ISM1: variants seen among roughly 807,000 people sequenced by gnomAD.
ISM1 encodes the protein isthmin-1.
In ISM1, 25 loss-of-function variants were observed where a neutral mutation model predicts 46.3. The observed-to-expected ratio is 0.54, with a 90% CI of 0.39 to 0.75. ISM1 has a LOEUF of 0.75. Ranked by LOEUF, ISM1 falls within the 30% of genes least tolerant of loss-of-function variation. The pLI is 0.00. For synonymous variants in ISM1, 255 were observed against 256.7 expected (o/e 0.99, Z 0.06); for missense variants, 536 against 625.4 (o/e 0.86, Z 1.52).
intron 5 of ISM1, among the ~76,000 whole-genome samples, chr20:13,294,481 C>A (rs901503241): frequency 1.3e-5 from 2 of 152,208 alleles, no homozygotes; most frequent in Non-Finnish European, 2.9e-5. Flanking sequence ...ATATCACACC[C>A]CACAGGCAGG....
chr20:13,247,216 A>T (rs2039805373), intron 1 of ISM1, among the ~76,000 whole-genome samples: 1 of 152,100 alleles, frequency 6.6e-6, no homozygotes, highest in Non-Finnish European at 1.5e-5. Context: ...GGGCAAAAAA[A>T]TGTGAATCTC....
At chr20:13,295,112 G>A (rs2040394262) in intron 5 of ISM1, among the ~76,000 whole-genome samples, 1 of 152,118 alleles carries the variant, frequency 6.6e-6, no homozygotes, top group Non-Finnish European at 1.5e-5. Context: ...CCAGGCTCCT[G>A]GGTCAGAGCT....
At chr20:13,231,863 C>T (rs1054153895) in intron 1 of ISM1, among the ~76,000 whole-genome samples, 2 of 152,146 alleles carry the variant, frequency 1.3e-5, no homozygotes, top group African/African-American at 4.8e-5. Context: ...GAGCAGTGAC[C>T]TGGAAAAGGT....
intron 1 of ISM1, among the ~76,000 whole-genome samples, chr20:13,261,435 A>G (rs1234535650): frequency 6.6e-6 from 1 of 152,108 alleles, no homozygotes; most frequent in African/African-American, 2.4e-5. Flanking sequence ...CAAAAAAAAA[A>G]AAAAGAAAAA....
At position 13,299,862 on chromosome 20, in the gene ISM1, A is replaced by C; in HGVS notation, c.*403A>C. ...TTTATATATAACTTATTTAATACAAATGTGACTTAATTAAGCGTAACCTTT... is the reference window on the plus strand; with the variant it reads ...TTTATATATAACTTATTTAATACAACTGTGACTTAATTAAGCGTAACCTTT... On this transcript the variant is annotated 3_prime_UTR_variant, in exon 6 of 6. Coordinates refer to ENST00000262487, the MANE Select transcript of ISM1 (RefSeq NM_080826.2). The surrounding 1 kb of genome is among the most constrained non-coding windows in gnomAD (Gnocchi z 5.8). 1 of 162,726 alleles carries C rather than the reference A, an allele frequency of 6.1e-6. No individual in the cohort carries two copies. 10.1% of individuals were successfully genotyped at this position (162,726 alleles called of 1,614,324 possible).
intron 1 of ISM1, among the ~76,000 whole-genome samples, chr20:13,268,410 T>C (rs2040073495): frequency 7.9e-6 from 1 of 127,328 alleles, no homozygotes. Context: ...CTCTCCATGC[T>C]AGGTTCAAAC....
chr20:13,266,981 C>T (rs1275884954), intron 1 of ISM1, among the ~76,000 whole-genome samples: 2 of 152,166 alleles, frequency 1.3e-5, no homozygotes, highest in East Asian at 3.8e-4. Context: ...AGGTTTTCTT[C>T]TGCATTACTA....
chr20:13,275,398 A>G (rs1016277451), intron 2 of ISM1, among the ~76,000 whole-genome samples: 2 of 152,182 alleles, frequency 1.3e-5, no homozygotes, highest in African/African-American at 4.8e-5. Flanking sequence ...CTGGATAAGA[A>G]TCAAGAAATT....
intron 2 of ISM1, among the ~76,000 whole-genome samples, chr20:13,275,105 T>C (rs2040162759): frequency 1.3e-5 from 2 of 152,228 alleles, no homozygotes; most frequent in South Asian, 4.1e-4. Flanking sequence ...ATTACTACAC[T>C]AGCTATTCAC....
intron 1 of ISM1, among the ~76,000 whole-genome samples, chr20:13,259,419 T>C (rs2039964243): frequency 6.6e-6 from 1 of 152,194 alleles, no homozygotes; most frequent in Non-Finnish European, 1.5e-5. Flanking sequence ...CCCTCTGTAA[T>C]CTAAATTTGA....
chr20:13,289,659 AAGG>A (rs1198862468), intron 4 of ISM1, among the ~76,000 whole-genome samples: 8 of 146,350 alleles, frequency 5.5e-5, no homozygotes, highest in Admixed American at 3.4e-4. Context: ...GGAGGAAGAG[AAGG>A]AGGAGGAGGA....
At chr20:13,318,824 C>T in the ISM1 span, among the ~76,000 whole-genome samples, 1 of 152,010 alleles carries the variant, frequency 6.6e-6, no homozygotes, top group Non-Finnish European at 1.5e-5. Context: ...CTAGAAAAGG[C>T]AAAACTATGA....
In ISM1 at chr20:13,258,524, C is replaced by T. The variant is rs144000571; in HGVS notation, c.139-11980C>T. Among the ~76,000 whole-genome samples, 278 of 152,304 alleles carry T rather than the reference C, an allele frequency of 1.8e-3. 2 individuals are homozygous for T. The highest frequency in any genetic ancestry group is 3.7e-3 in the Admixed American group (57 of 15,294). On this transcript the variant is annotated intron_variant, in intron 1 of 5. Transcript: ENST00000262487. Reference sequence around the variant, plus strand: ...TTCCCTGCTCAGACTCAAACTGATACATCCTAATATTATGAGGTTTATATT... The same window carrying T: ...TTCCCTGCTCAGACTCAAACTGATATATCCTAATATTATGAGGTTTATATT...
At chr20:13,225,070 G>A (rs868481305) in intron 1 of ISM1, among the ~76,000 whole-genome samples, 24 of 150,894 alleles carry the variant, frequency 1.6e-4, no homozygotes, top group East Asian at 5.9e-4. Context: ...AGCCAGGATG[G>A]TCTCACTCTC....
At chr20:13,235,789 G>A (rs1335967313) in intron 1 of ISM1, among the ~76,000 whole-genome samples, 1 of 152,148 alleles carries the variant, frequency 6.6e-6, no homozygotes, top group African/African-American at 2.4e-5. Context: ...CACGGGGCTT[G>A]GACAATATAA....
At chr20:13,255,615 T>C (rs1275424642) in intron 1 of ISM1, among the ~76,000 whole-genome samples, 1 of 152,086 alleles carries the variant, frequency 6.6e-6, no homozygotes, top group Non-Finnish European at 1.5e-5. Context: ...GCAGGTAGAG[T>C]AGACAGAAAG....
At chr20:13,309,736 A>G in the ISM1 span, among the ~76,000 whole-genome samples, 1 of 152,230 alleles carries the variant, frequency 6.6e-6, no homozygotes, top group Non-Finnish European at 1.5e-5. Flanking sequence ...ATTAATAAAC[A>G]AATTCAGTAA....
chr20:13,241,325 TGTG>T (rs2039719759), intron 1 of ISM1, among the ~76,000 whole-genome samples: 1 of 152,096 alleles, frequency 6.6e-6, no homozygotes, highest in African/African-American at 2.4e-5. Context: ...TATATGAACA[TGTG>T]GTCAAAAAAG....
chr20:13,287,704 C>T (rs566161198), intron 3 of ISM1, among the ~76,000 whole-genome samples: 1 of 152,202 alleles, frequency 6.6e-6, no homozygotes, highest in East Asian at 1.9e-4. Flanking sequence ...AAGAATTGTG[C>T]CTGACATACA....
Sources: gnomAD v4.1 joint callset for allele counts (sites outside exome capture counted in the v4.1 genomes callset) on GRCh38, gnomAD v4.1.1 for gene constraint, Gnocchi (gnomAD v3.1) non-coding constraint, MANE v1.5 for transcripts, NCBI Gene and HGNC (gene_info 2026-07-23, HGNC 2026-07-21) for gene names.